The following PRR13 variants were observed in gnomAD, a reference collection of about 807,000 sequenced individuals.
The protein encoded by PRR13 is proline rich 13, also known as proline-rich protein 13.
A neutral mutation model predicts 11.5 loss-of-function variants in PRR13; 7 were observed. The observed-to-expected ratio is 0.61, with a 90% CI of 0.34 to 1.14. PRR13 has a LOEUF of 1.14. Among genes scored for constraint, PRR13 ranks in the 50% most tolerant of loss-of-function variants. The pLI, the probability that PRR13 is intolerant of heterozygous loss-of-function variation, is 0.03. For synonymous variants in PRR13, 53 were observed against 67.8 expected (o/e 0.78, Z 1.07); for missense variants, 155 against 194.4 (o/e 0.80, Z 1.21).
chr12:53,444,264 A>G (rs1229847621), intron 3 of PRR13, among the ~76,000 whole-genome samples: 9 of 151,990 alleles, frequency 5.9e-5, no homozygotes, highest in Non-Finnish European at 1.3e-4. Context: ...CCTATCATCC[A>G]GCAGAAAAAG....
Position 53,442,972 on chromosome 12 carries a change from T to C in PRR13, c.19+239T>C, listed in dbSNP as rs532933364. On this transcript the variant is annotated intron_variant, in intron 2 of 3. Coordinates refer to ENST00000429243, the MANE Select transcript of PRR13 (RefSeq NM_018457.4). Reference sequence around the variant, plus strand: ...CCTGGGTTCAAGCGATTCTCCTGTTTCAGCCTCTGGAGTAGCTGAGATTAC... The same window carrying C: ...CCTGGGTTCAAGCGATTCTCCTGTTCCAGCCTCTGGAGTAGCTGAGATTAC... The C allele has an allele frequency of 1.2e-4, 53 of 433,182 alleles. No individual in the cohort carries two copies. The Admixed American group carries it at 1.8e-3, about 15-fold the overall frequency. 26.8% of individuals were successfully genotyped at this position (433,182 alleles called of 1,614,324 possible). A position where few individuals can be genotyped will look rare whatever the true frequency, so the allele number is the denominator to read the frequency against.
intron 2 of PRR13, 116 bp from the exon 3 acceptor site, chr12:53,443,275 T>G (rs1042539827): frequency 8.7e-7 from 1 of 1,143,232 alleles, no homozygotes; most frequent in African/African-American, 1.6e-5. Context: ...CCATTCTTCT[T>G]TGTCATCTTT....
chr12:53,443,824 C>CT (rs1940346442), intron 3 of PRR13, 51 bp downstream of exon 3: 3 of 1,541,616 alleles, frequency 1.9e-6, no homozygotes, highest in African/African-American at 2.7e-5. Context: ...CTCAGAGGGA[C>CT]TAGGTAGGCA....
intron 3 of PRR13, chr12:53,444,114 G>A: frequency 2.4e-6 from 1 of 417,604 alleles, no homozygotes; most frequent in Non-Finnish European, 4.2e-6. Flanking sequence ...CACTGACATT[G>A]TCAAAATACC....
At chr12:53,442,591 G>C in intron 1 of PRR13, 104 bp from the exon 2 acceptor site, 2 of 959,376 alleles carry the variant, frequency 2.1e-6, no homozygotes, top group South Asian at 1.3e-5. Flanking sequence ...CTCCAGGTAG[G>C]AGAGCCTACT....
Position 53,443,765 on chromosome 12 carries a change from C to A in PRR13, c.394C>A (p.His132Asn), listed in dbSNP as rs529770369. 124 of 1,604,618 alleles carry A rather than the reference C, an allele frequency of 7.7e-5. No homozygotes were observed. The highest frequency in any genetic ancestry group is 1.0e-4 in the Non-Finnish European group (119 of 1,175,302). The change falls in exon 3 of 4, where the codon CAT becomes AAT. Residue 132 changes from histidine (H) to asparagine (N), a missense_variant. Coordinates refer to ENST00000429243, the MANE Select transcript of PRR13 (RefSeq NM_018457.4). ...CCAAAAGCACCACAAGTACCACAAG[C>A]ATGGCAAGGTCAGTACCCTCTGGAG... ...KHQKHHKYHK[H>N]GKHSSSSSSS...
In PRR13 at chr12:53,441,752, C is replaced by G; in HGVS notation, c.-61C>G. The stretch of plus-strand genomic sequence containing the variant: ...TCTGGGTGACTAGGAAGAGCCGAGA[C>G]TGCGAAGGAGAACGCAGCAAGCCCA... On this transcript the variant is annotated 5_prime_UTR_variant, in exon 1 of 4. Coordinates refer to ENST00000429243, the MANE Select transcript of PRR13 (RefSeq NM_018457.4). 1 of 701,908 alleles carries G rather than the reference C, an allele frequency of 1.4e-6. No homozygotes were observed. Among genetic ancestry groups the G allele is most frequent in the Non-Finnish European group, 2.6e-6 (1 of 384,726 alleles). The allele number at this position is 701,908 out of a possible 1,614,324, so 43.5% of individuals were successfully genotyped here.
In PRR13 at chr12:53,446,071, G is replaced by A; in HGVS notation, c.*12G>A. The A allele has an allele frequency of 6.3e-7, 1 of 1,590,640 alleles. No individual in the cohort carries two copies. Among genetic ancestry groups the A allele is most frequent in the East Asian group, 2.3e-5 (1 of 44,332 alleles). On this transcript the variant is annotated 3_prime_UTR_variant, in exon 4 of 4. Transcript: ENST00000429243. The stretch of plus-strand genomic sequence containing the variant: ...GTGATTCTGACTGAATACAGGCCCT[G>A]GACCCTTCCCTCAAGTCTCACCAGT...
At position 53,446,062 on chromosome 12, in the gene PRR13, A is replaced by G; in HGVS notation, c.*3A>G. 2 of 1,613,442 alleles carry G rather than the reference A, an allele frequency of 1.2e-6. No individual in the cohort carries two copies. Among genetic ancestry groups the G allele is most frequent in the African/African-American group, 2.7e-5 (2 of 74,950 alleles). On this transcript the variant is annotated 3_prime_UTR_variant, in exon 4 of 4. Transcript: ENST00000429243. ...CTTCCAGCAGTGATTCTGACTGAAT[A>G]CAGGCCCTGGACCCTTCCCTCAAGT...
At chr12:53,443,034 T>C (rs1940326058) in intron 2 of PRR13, 1 of 375,004 alleles carries the variant, frequency 2.7e-6, no homozygotes, top group African/African-American at 2.1e-5. Context: ...TTTTTGTATT[T>C]TTAGTAGAGA....
In PRR13 at chr12:53,442,679, A is replaced by G. The variant is rs1262140597; in HGVS notation, c.-20-16A>G. ...TCTAGACCGTCATCTTTTTTGCCTC[A>G]TTTCTTTCTCCTCAGGCTGGAGGAC... is the stretch of plus-strand genomic sequence containing the variant. On this transcript the variant is annotated splice_polypyrimidine_tract_variant and intron_variant, in intron 1 of 3. Coordinates refer to ENST00000429243, the MANE Select transcript of PRR13 (RefSeq NM_018457.4). 1.3e-6 allele frequency: 2 copies of G among 1,598,776 alleles called. No individual in the cohort carries two copies. Among genetic ancestry groups the G allele is most frequent in the South Asian group, 2.2e-5 (2 of 90,736 alleles).
chr12:53,443,221 C>G, intron 2 of PRR13, 170 bp from the exon 3 acceptor site: 1 of 638,450 alleles, frequency 1.6e-6, no homozygotes, highest in Non-Finnish European at 2.5e-6. Flanking sequence ...CTTCCAGGGA[C>G]ATTCCCCCTT....
intron 1 of PRR13, 117 bp downstream of exon 1, chr12:53,441,909 G>C: frequency 1.5e-6 from 1 of 688,452 alleles, no homozygotes. Context: ...GAGGAAGGGG[G>C]CTGTGTCCAC....
At position 53,446,245 on chromosome 12, in the gene PRR13, C is replaced by T. The variant is rs1940399356; in HGVS notation, c.*186C>T. ...GGGAAGAGGATTGCCATGGCCTGGC[C>T]ATCTTGTTGCTGCTTGGTTAGATCA... On this transcript the variant is annotated 3_prime_UTR_variant, in exon 4 of 4. Transcript: ENST00000429243. 3 of 1,006,880 alleles carry T rather than the reference C, an allele frequency of 3.0e-6. No homozygotes were observed. Among genetic ancestry groups the T allele is most frequent in the Admixed American group, 3.3e-5 (1 of 30,164 alleles). The allele number at this position is 1,006,880 out of a possible 1,614,324, so 62.4% of individuals were successfully genotyped here. A position where few individuals can be genotyped will look rare whatever the true frequency, so the allele number is the denominator to read the frequency against.
intron 1 of PRR13, 34 bp from the exon 2 acceptor site, chr12:53,442,661 C>G: frequency 6.4e-7 from 1 of 1,560,340 alleles, no homozygotes. Context: ...ACCTCTAGAC[C>G]GTCATCTTTT....
In PRR13 at chr12:53,446,471, A is replaced by G. The variant is rs1243307468; in HGVS notation, c.*412A>G. 1 of 179,914 alleles carries G rather than the reference A, an allele frequency of 5.6e-6. No individual in the cohort carries two copies. Among genetic ancestry groups the G allele is most frequent in the African/African-American group, 2.4e-5 (1 of 41,944 alleles). The allele number at this position is 179,914 out of a possible 1,614,324, so 11.1% of individuals were successfully genotyped here. A position where few individuals can be genotyped will look rare whatever the true frequency, so the allele number is the denominator to read the frequency against. ...ATACTTGGGGAATTTAGTGGCAAAT[A>G]CATTCCCCAGCAGGCCTTTTGTTGG... On this transcript the variant is annotated 3_prime_UTR_variant, in exon 4 of 4. Transcript: ENST00000429243.
Position 53,443,403 on chromosome 12 carries a change from C to T in PRR13, c.32C>T (p.Pro11Leu). Reference protein sequence around the residue: MWNPNAGQPGPNPYPPNIGCP... With the variant: MWNPNAGQPGLNPYPPNIGCP... ...CTTCTTCCACCAGGGCAGCCAGGGC[C>T]AAATCCATATCCCCCCAATATTGGG... Residue 11 changes from proline (P) to leucine (L), a missense_variant, in exon 3 of 4, where the codon CCA becomes CTA. Physicochemically the swap from Pro to Leu is moderately conservative, Grantham distance 98 (BLOSUM62 -3). Coordinates refer to ENST00000429243, the MANE Select transcript of PRR13 (RefSeq NM_018457.4). 7.1e-7 allele frequency: 1 copy of T among 1,407,594 alleles called. No homozygotes were observed. Among genetic ancestry groups the T allele is most frequent in the Non-Finnish European group, 9.3e-7 (1 of 1,073,202 alleles). 87.2% of individuals were successfully genotyped at this position (1,407,594 alleles called of 1,614,324 possible).
At chr12:53,445,710 A>C (rs1252941891) in intron 3 of PRR13, among the ~76,000 whole-genome samples, 1 of 152,222 alleles carries the variant, frequency 6.6e-6, no homozygotes, top group East Asian at 1.9e-4. Flanking sequence ...TGTGCCTGTA[A>C]TTTATTCCTT....
rs755042443 is a variant in PRR13 at position 53,443,658 on chromosome 12, C to T, written c.287C>T (p.Pro96Leu). The change falls in exon 3 of 4, where the codon CCT becomes CTT. Residue 96 changes from proline (P) to leucine (L), a missense_variant. By Grantham distance (98) the Pro-to-Leu change is moderately conservative (BLOSUM62 -3). Coordinates refer to ENST00000429243, the MANE Select transcript of PRR13 (RefSeq NM_018457.4). Reference protein sequence around the residue: ...PGIPPVNPLAPGMVGPAVIVD... With the variant: ...PGIPPVNPLALGMVGPAVIVD... ...ATCCCTCCTGTGAATCCCTTGGCTC[C>T]TGGCATGGTTGGACCAGCAGTGATA... 1.9e-6 allele frequency: 3 copies of T among 1,614,208 alleles called. No individual in the cohort carries two copies. Among genetic ancestry groups the T allele is most frequent in the East Asian group, 2.2e-5 (1 of 44,888 alleles).
Sources: allele counts gnomAD v4.1 joint callset (sites outside exome capture counted in the v4.1 genomes callset), GRCh38; gene constraint gnomAD v4.1.1; transcripts MANE v1.5; gene names NCBI Gene and HGNC (gene_info 2026-07-23, HGNC 2026-07-21).